SAMD12: variants seen among roughly 807,000 people sequenced by gnomAD.
SAMD12 encodes the protein sterile alpha motif domain-containing protein 12.
In SAMD12, 9 loss-of-function variants were observed where a neutral mutation model predicts 15.0. The observed-to-expected ratio is 0.60, with a 90% CI of 0.36 to 1.05. The LOEUF is 1.05. Among genes scored for constraint, SAMD12 ranks in the 50% least tolerant of loss-of-function variants. The pLI is 0.01. For missense variants in SAMD12, 230 were observed against 234.2 expected, an observed-to-expected ratio of 0.98 and a Z score of 0.12; for synonymous variants, 86 against 90.1, an observed-to-expected ratio of 0.96 and a Z score of 0.25.
intron 3 of SAMD12, among the ~76,000 whole-genome samples, chr8:118,424,105 C>A (rs547947455): frequency 7.9e-4 from 120 of 152,080 alleles, no homozygotes; most frequent in African/African-American, 2.7e-3. Flanking sequence ...TTTTCATGGG[C>A]TGGAGAAATT....
chr8:118,585,272 C>T (rs1405332466), intron 1 of SAMD12, among the ~76,000 whole-genome samples: 2 of 152,136 alleles, frequency 1.3e-5, no homozygotes, highest in Non-Finnish European at 2.9e-5. Flanking sequence ...ACAATGGCTA[C>T]ACATGGGCTG....
chr8:118,136,772 G>A, the SAMD12 span, among the ~76,000 whole-genome samples: 10 of 152,338 alleles, frequency 6.6e-5, no homozygotes, highest in South Asian at 1.5e-3. Flanking sequence ...AATGTCTGCT[G>A]TAAGAAAATG....
rs181721267 is a variant in SAMD12, at chr8:118,519,137, G to C, written c.192+61578C>G. Among the ~76,000 whole-genome samples, 16 of 152,296 alleles carry C rather than the reference G, an allele frequency of 1.1e-4. No individual in the cohort carries two copies. In the East Asian group the frequency reaches 2.7e-3, roughly 26 times the overall value. On this transcript the variant is annotated intron_variant, in intron 2 of 3. Transcript: ENST00000314727. ...GTGGGAATGAGAGAAACTCAACTGA[G>C]AGGTAGCACTGGCTTGCTTTCTCAA...
intron 4 of SAMD12, among the ~76,000 whole-genome samples, chr8:118,302,072 T>C (rs1815061254): frequency 7.2e-6 from 1 of 138,896 alleles, no homozygotes; most frequent in African/African-American, 2.7e-5. Flanking sequence ...CGCCAGATCT[T>C]TGAGAGTTTT....
At chr8:118,324,769 A>C (rs1318546599) in intron 4 of SAMD12, among the ~76,000 whole-genome samples, 1 of 152,168 alleles carries the variant, frequency 6.6e-6, no homozygotes, top group Non-Finnish European at 1.5e-5. Context: ...ATGGGACCGC[A>C]AGTGATTCTA....
intron 3 of SAMD12, among the ~76,000 whole-genome samples, chr8:118,431,174 C>T (rs1175961530): frequency 6.6e-6 from 1 of 152,178 alleles, no homozygotes; most frequent in Non-Finnish European, 1.5e-5. Context: ...TTCTATTCCT[C>T]CCTTCCATCC....
chr8:118,221,553 A>G (rs1005860372), intron 4 of SAMD12, among the ~76,000 whole-genome samples: 2 of 152,076 alleles, frequency 1.3e-5, no homozygotes, highest in Non-Finnish European at 2.9e-5. Flanking sequence ...GCTTAGTCAT[A>G]GGATGAGTTA....
the SAMD12 span, among the ~76,000 whole-genome samples, chr8:118,149,084 T>C: frequency 1.3e-5 from 2 of 152,206 alleles, no homozygotes; most frequent in African/African-American, 4.8e-5. Context: ...ATGGTAAATG[T>C]ATGCTTAACT....
chr8:118,269,820 C>G (rs1342774614), intron 4 of SAMD12, among the ~76,000 whole-genome samples: 2 of 152,150 alleles, frequency 1.3e-5, no homozygotes, highest in East Asian at 1.9e-4. Flanking sequence ...CCTGCACCCC[C>G]CTTCCTTCCT....
chr8:118,494,616 C>T lies in SAMD12; in HGVS notation c.193-54655G>A, dbSNP rs559723076. 1.1e-4 allele frequency among the ~76,000 whole-genome samples: 16 copies of T among 152,286 alleles called. 1 individual carries two copies. The South Asian group carries it at 1.7e-3, about 16-fold the overall frequency. On this transcript the variant is annotated intron_variant, in intron 2 of 3. Transcript: ENST00000314727. ...ATAGCGCTCCCTCAGTCCCAAACACCTTCCTCTTATTCACCTGGTTAATTA... is the reference window on the plus strand; with the variant it reads ...ATAGCGCTCCCTCAGTCCCAAACACTTTCCTCTTATTCACCTGGTTAATTA...
rs35454734 is a variant in SAMD12, at chr8:118,359,003, CTG to C, written c.433+20555_433+20556del. Among the ~76,000 whole-genome samples, 302 of 149,204 alleles carry C rather than the reference CTG, an allele frequency of 2.0e-3. 1 individual carries two copies. The Middle Eastern group carries it at 0.02, about 10-fold the overall frequency. The stretch of plus-strand genomic sequence containing the variant: ...CATTGATACAGGGTATGGCATTAAA[CTG>C]TGTGTGTGTGTGTGTGTGTGTATAT... On this transcript the variant is annotated intron_variant, in intron 4 of 4. Transcript: ENST00000409003.
At chr8:118,188,698 A>C (rs183893474), downstream of SAMD12, among the ~76,000 whole-genome samples, 2 of 152,276 alleles carry the variant, frequency 1.3e-5, no homozygotes, top group Admixed American at 1.3e-4. Context: ...CCTTGACAAA[A>C]GGAAAGGTGA....
intron 4 of SAMD12, among the ~76,000 whole-genome samples, chr8:118,325,135 G>A (rs1222366236): frequency 6.6e-6 from 1 of 152,210 alleles, no homozygotes; most frequent in Non-Finnish European, 1.5e-5. Flanking sequence ...TCAACACAGG[G>A]ATACTGCTTT....
intron 4 of SAMD12, among the ~76,000 whole-genome samples, chr8:118,325,941 C>A (rs1020301780): frequency 6.6e-6 from 1 of 152,162 alleles, no homozygotes; most frequent in Non-Finnish European, 1.5e-5. Flanking sequence ...CCCAGCAGGG[C>A]GGCTTACTTT....
chr8:118,257,805 G>GA (rs1812986441), intron 4 of SAMD12, among the ~76,000 whole-genome samples: 1 of 152,070 alleles, frequency 6.6e-6, no homozygotes, highest in Non-Finnish European at 1.5e-5. Context: ...TCATGACCTT[G>GA]AAAAAATGCA....
intron 4 of SAMD12, among the ~76,000 whole-genome samples, chr8:118,264,110 A>G (rs1813145186): frequency 6.6e-6 from 1 of 152,162 alleles, no homozygotes; most frequent in Non-Finnish European, 1.5e-5. Context: ...ACTTGCAAGC[A>G]TCAACACAAT....
At chr8:118,329,100 G>T (rs375851264) in intron 4 of SAMD12, among the ~76,000 whole-genome samples, 21 of 151,958 alleles carry the variant, frequency 1.4e-4, no homozygotes, top group East Asian at 9.6e-4. Flanking sequence ...TAAAGATTAA[G>T]AGGAAGAAAT....
At chr8:118,600,666 CATGTAGTAA>C (rs1586848488) in intron 1 of SAMD12, among the ~76,000 whole-genome samples, 1 of 152,192 alleles carries the variant, frequency 6.6e-6, no homozygotes, top group Non-Finnish European at 1.5e-5. Context: ...AATAATTATA[CATGTAGTAA>C]ATATTACTAG....
intron 4 of SAMD12, among the ~76,000 whole-genome samples, chr8:118,333,080 CA>C (rs1425401706): frequency 1.3e-5 from 2 of 152,200 alleles, no homozygotes; most frequent in African/African-American, 4.8e-5. Context: ...AAGGTACTCA[CA>C]CACAGTTATC....
Sources: allele counts gnomAD v4.1 joint callset (sites outside exome capture counted in the v4.1 genomes callset), GRCh38; gene constraint gnomAD v4.1.1; transcripts MANE v1.5; gene names NCBI Gene and HGNC (gene_info 2026-07-23, HGNC 2026-07-21).